Variants in DRC10 observed in about 807,000 individuals in gnomAD.
DRC10 encodes the protein IQ domain-containing protein D.
the DRC10 span, among the ~76,000 whole-genome samples, chr12:113,218,527 G>A: frequency 3.3e-5 from 5 of 151,738 alleles, no homozygotes; most frequent in African/African-American, 1.2e-4. Flanking sequence ...CTGTAGCCTT[G>A]ACCTCCCCAG....
chr12:113,199,534 C>T, the DRC10 span, among the ~76,000 whole-genome samples: 1 of 152,230 alleles, frequency 6.6e-6, no homozygotes, highest in Non-Finnish European at 1.5e-5. Context: ...TGTGTAAGTG[C>T]ATCTGTGCCT....
At chr12:113,203,020 A>G in the DRC10 span, 1 of 455,446 alleles carries the variant, frequency 2.2e-6, no homozygotes, top group African/African-American at 2.0e-5. Context: ...GTTTGGGATC[A>G]TGCTACTGTT....
the DRC10 span, among the ~76,000 whole-genome samples, chr12:113,208,794 C>G: frequency 6.6e-6 from 1 of 152,182 alleles, no homozygotes; most frequent in Non-Finnish European, 1.5e-5. Flanking sequence ...CAGCAGGAAA[C>G]CAACTGACAA....
chr12:113,209,745 G>C, the DRC10 span, among the ~76,000 whole-genome samples: 22 of 152,202 alleles, frequency 1.4e-4, no homozygotes, highest in African/African-American at 5.3e-4. Flanking sequence ...AGGGGGAGCA[G>C]AATGGAGGGC....
chr12:113,219,563 T>G, the DRC10 span, among the ~76,000 whole-genome samples: 1 of 152,246 alleles, frequency 6.6e-6, no homozygotes, highest in African/African-American at 2.4e-5. Context: ...TTATATTCTA[T>G]ATACAACTCT....
At chr12:113,199,399 CATAAATAAATAA>C in the DRC10 span, among the ~76,000 whole-genome samples, 5 of 150,678 alleles carry the variant, frequency 3.3e-5, no homozygotes, top group Non-Finnish European at 5.9e-5. Context: ...CTGTCTCAAA[CATAAATAAATAA>C]ATAAATAAAT....
chr12:113,199,326 T>C, the DRC10 span, among the ~76,000 whole-genome samples: 2 of 151,688 alleles, frequency 1.3e-5, no homozygotes, highest in Admixed American at 6.6e-5. Context: ...AGCCCAGGAG[T>C]TGGAGGCTGA....
the DRC10 span, chr12:113,195,869 G>T: frequency 6.2e-7 from 1 of 1,610,064 alleles, no homozygotes; most frequent in Non-Finnish European, 8.5e-7. Flanking sequence ...TGTGAACAGC[G>T]TCCAGATCCT....
At chr12:113,208,122 A>G in the DRC10 span, 1 of 1,614,198 alleles carries the variant, frequency 6.2e-7, no homozygotes, top group Non-Finnish European at 8.5e-7. Flanking sequence ...TGTTGATGGC[A>G]GGGGCCTGAT....
the DRC10 span, chr12:113,208,202 A>G: frequency 1.9e-6 from 3 of 1,570,874 alleles, no homozygotes; most frequent in Non-Finnish European, 2.6e-6. Flanking sequence ...GTAGGTCCAC[A>G]GAGATGGAGA....
chr12:113,205,924 A>AG, the DRC10 span, among the ~76,000 whole-genome samples: 1 of 140,218 alleles, frequency 7.1e-6, no homozygotes, highest in East Asian at 2.3e-4. Flanking sequence ...AAAAAAAAAA[A>AG]GAAATCAATA....
the DRC10 span, chr12:113,207,816 C>T: frequency 4.6e-5 from 74 of 1,614,190 alleles, no homozygotes; most frequent in Non-Finnish European, 6.1e-5. Context: ...CCTCTTTCTG[C>T]TCCTGCAATT....
the DRC10 span, chr12:113,207,165 T>C: frequency 2.2e-6 from 1 of 455,414 alleles, no homozygotes; most frequent in Non-Finnish European, 4.0e-6. Context: ...CTGGCCAACA[T>C]GGCGAAAACC....
the DRC10 span, among the ~76,000 whole-genome samples, chr12:113,212,069 CTTT>C: frequency 2.3e-5 from 3 of 130,910 alleles, no homozygotes; most frequent in Non-Finnish European, 1.6e-5. Context: ...TATCTCTCCT[CTTT>C]TTTTTTTTTT....
chr12:113,210,278 G>T, the DRC10 span, among the ~76,000 whole-genome samples: 763 of 152,226 alleles, frequency 5.0e-3, 9 homozygotes, highest in African/African-American at 0.017. Flanking sequence ...CCTTGCTGGG[G>T]GTCTCTGGGC....
the DRC10 span, among the ~76,000 whole-genome samples, chr12:113,210,612 G>GA: frequency 0.018 from 1,954 of 107,294 alleles, 17 homozygotes; most frequent in South Asian, 0.037. Flanking sequence ...AAGAAAAAAA[G>GA]AAAAAAAAAA....
the DRC10 span, chr12:113,208,508 T>C: frequency 1.0e-5 from 3 of 293,840 alleles, no homozygotes; most frequent in Non-Finnish European, 1.8e-5. Flanking sequence ...ACAGACAGCA[T>C]TCTAAGGATT....
At chr12:113,197,321 G>A in the DRC10 span, among the ~76,000 whole-genome samples, 1 of 151,414 alleles carries the variant, frequency 6.6e-6, no homozygotes, top group Non-Finnish European at 1.5e-5. Context: ...ACAGGCATGA[G>A]CCACAGCACC....
chr12:113,201,827 T>C, the DRC10 span, among the ~76,000 whole-genome samples: 1 of 152,332 alleles, frequency 6.6e-6, no homozygotes, highest in South Asian at 2.1e-4. Flanking sequence ...GGCAGTGCCT[T>C]TGGGGCAAGC....
Sources: gnomAD v4.1 joint callset for allele counts (sites outside exome capture counted in the v4.1 genomes callset) on GRCh38, gnomAD v4.1.1 for gene constraint, MANE v1.5 for transcripts, NCBI Gene and HGNC (gene_info 2026-07-23, HGNC 2026-07-21) for gene names.